CHRM3: variants seen among roughly 807,000 people sequenced by gnomAD.
The protein encoded by CHRM3 is muscarinic acetylcholine receptor M3.
A neutral mutation model predicts 41.8 loss-of-function variants in CHRM3; 11 were observed. The ratio of observed to expected loss-of-function variants is 0.26; its 90% CI spans 0.17 to 0.44. The LOEUF is 0.44. Among genes scored for constraint, CHRM3 ranks in the 20% least tolerant of loss-of-function variants. CHRM3 has a pLI of 1.00. For synonymous variants in CHRM3, 297 were observed against 301.4 expected (o/e 0.99, Z 0.15); for missense variants, 571 against 745.4 (o/e 0.77, Z 2.72).
chr1:239,552,309 A>G (rs918236276), intron 3 of CHRM3, among the ~76,000 whole-genome samples: 18 of 143,118 alleles, frequency 1.3e-4, no homozygotes, highest in African/African-American at 5.0e-4. Flanking sequence ...ATATATGTAT[A>G]GATATGTATC....
At chr1:239,657,456 A>G (rs578118533) in intron 4 of CHRM3, among the ~76,000 whole-genome samples, 1 of 152,146 alleles carries the variant, frequency 6.6e-6, no homozygotes, top group Non-Finnish European at 1.5e-5. Context: ...CTCTGCCAAA[A>G]TTTTTCCCCT....
intron 6 of CHRM3, among the ~76,000 whole-genome samples, chr1:239,888,956 G>C (rs543938415): frequency 1.3e-5 from 2 of 152,282 alleles, no homozygotes; most frequent in South Asian, 4.1e-4. Flanking sequence ...TCTCCATAGT[G>C]GGCTGGTAAT....
intron 5 of CHRM3, among the ~76,000 whole-genome samples, chr1:239,711,046 C>G (rs897911115): frequency 6.6e-6 from 1 of 152,158 alleles, no homozygotes; most frequent in Non-Finnish European, 1.5e-5. Context: ...CAATACCGCC[C>G]TGAGTTTCCA....
chr1:239,426,235 A>G (rs1455933489), intron 1 of CHRM3, among the ~76,000 whole-genome samples: 1 of 141,276 alleles, frequency 7.1e-6, no homozygotes, highest in Non-Finnish European at 1.5e-5. Flanking sequence ...ACACTTTTAC[A>G]CTGTTCGTGG....
At position 239,490,188 on chromosome 1, in the gene CHRM3, G is replaced by T. The variant is rs542783917; in HGVS notation, c.-520-2521G>T. On this transcript the variant is annotated intron_variant, in intron 1 of 6. Transcript: ENST00000676153. ...TTTGCTGCTTCATTGATTCCTGATT[G>T]GTTTTGACTTCAAAGTTGGCAGTTC... 3.3e-5 allele frequency among the ~76,000 whole-genome samples: 5 copies of T among 152,140 alleles called. No individual in the cohort carries two copies. The South Asian group carries it at 8.3e-4, about 25-fold the overall frequency.
chr1:239,647,890 A>G (rs1437626191), intron 4 of CHRM3, among the ~76,000 whole-genome samples: 1 of 152,142 alleles, frequency 6.6e-6, no homozygotes, highest in African/African-American at 2.4e-5. Context: ...TATGTCTCTC[A>G]GTTTTCTTAT....
intron 5 of CHRM3, among the ~76,000 whole-genome samples, chr1:239,770,088 A>T (rs947405929): frequency 6.6e-6 from 1 of 152,186 alleles, no homozygotes; most frequent in East Asian, 1.9e-4. Context: ...CAAAAGCTCT[A>T]TATCAAAATA....
At chr1:239,813,892 G>A (rs1233535407) in intron 5 of CHRM3, among the ~76,000 whole-genome samples, 1 of 115,808 alleles carries the variant, frequency 8.6e-6, no homozygotes, top group Non-Finnish European at 1.7e-5. Flanking sequence ...ACTCCAGCCT[G>A]GGCGACAGAG....
intron 5 of CHRM3, among the ~76,000 whole-genome samples, chr1:239,823,418 C>T (rs1266121594): frequency 6.6e-6 from 1 of 152,056 alleles, no homozygotes; most frequent in Non-Finnish European, 1.5e-5. Context: ...GATCAATTCC[C>T]CCAGCCTTGG....
intron 4 of CHRM3, among the ~76,000 whole-genome samples, chr1:239,652,200 C>T (rs553612105): frequency 1.3e-5 from 2 of 152,152 alleles, no homozygotes; most frequent in South Asian, 2.1e-4. Context: ...CCATACTGAG[C>T]TCTCTGGTCC....
chr1:239,532,960 C>T (rs1279135254), intron 2 of CHRM3, among the ~76,000 whole-genome samples: 3 of 151,900 alleles, frequency 2.0e-5, no homozygotes, highest in Non-Finnish European at 4.4e-5. Flanking sequence ...ATAATGAAAA[C>T]CTTCAATTAA....
intron 4 of CHRM3, among the ~76,000 whole-genome samples, chr1:239,635,183 G>A (rs1003781085): frequency 7.2e-5 from 11 of 152,236 alleles, no homozygotes; most frequent in African/African-American, 2.4e-4. Flanking sequence ...CTTCATGTTA[G>A]TCAACATGGC....
At chr1:239,507,939 G>A (rs1011531844) in intron 2 of CHRM3, among the ~76,000 whole-genome samples, 1 of 152,186 alleles carries the variant, frequency 6.6e-6, no homozygotes, top group African/African-American at 2.4e-5. Flanking sequence ...GAAAATCTCT[G>A]TGGTATAGGA....
intron 1 of CHRM3, among the ~76,000 whole-genome samples, chr1:239,457,963 T>C (rs1303468280): frequency 8.5e-5 from 13 of 152,060 alleles, no homozygotes; most frequent in Admixed American, 8.5e-4. Context: ...TATGGGAAGG[T>C]AGAAATTTGT....
chr1:239,536,330 T>C (rs1264649177), intron 2 of CHRM3, among the ~76,000 whole-genome samples: 4 of 152,200 alleles, frequency 2.6e-5, no homozygotes, highest in Admixed American at 1.3e-4. Flanking sequence ...AAGTACTCTC[T>C]TGGCTACAGT....
chr1:239,600,004 T>G (rs1308516815), intron 3 of CHRM3, among the ~76,000 whole-genome samples: 1 of 152,146 alleles, frequency 6.6e-6, no homozygotes, highest in Non-Finnish European at 1.5e-5. Flanking sequence ...AAGAACTGAT[T>G]TCTCCCTCAA....
rs71567253 is a variant in CHRM3 at position 239,881,282 on chromosome 1, C to CAAAAAAAAAA, written c.-19-26136_-19-26127dup. ...TGGGCGACAGAGTGAGACTCCGTCT[C>CAAAAAAAAAA]AAAAAAAAAAAAAAAAAAAAAAAAG... On this transcript the variant is annotated intron_variant, in intron 6 of 6. Transcript: ENST00000676153. Among the ~76,000 whole-genome samples the CAAAAAAAAAA allele has an allele frequency of 2.9e-4, 10 of 33,982 alleles. 1 individual carries two copies. Among genetic ancestry groups the CAAAAAAAAAA allele is most frequent in the Non-Finnish European group, 5.0e-4 (10 of 19,946 alleles). 22.3% of individuals were successfully genotyped at this position (33,982 alleles called of 152,430 possible). A position where few individuals can be genotyped will look rare whatever the true frequency, so the allele number is the denominator to read the frequency against.
chr1:239,467,875 T>A (rs1272711967), intron 1 of CHRM3, among the ~76,000 whole-genome samples: 2 of 148,716 alleles, frequency 1.3e-5, no homozygotes. Context: ...ATAGAATTCA[T>A]CATTTTCTCC....
intron 5 of CHRM3, among the ~76,000 whole-genome samples, chr1:239,766,702 G>GATATAGATATAGATATAGATATAC (rs1667252445): frequency 1.5e-5 from 2 of 132,292 alleles, no homozygotes; most frequent in Non-Finnish European, 3.0e-5. Flanking sequence ...TATAGATATA[G>GATATAGATATAGATATAGATATAC]ATATAGATAT....
Sources: allele counts gnomAD v4.1 joint callset (sites outside exome capture counted in the v4.1 genomes callset), GRCh38; gene constraint gnomAD v4.1.1; transcripts MANE v1.5; gene names NCBI Gene and HGNC (gene_info 2026-07-23, HGNC 2026-07-21).